Variants in LCOR observed in about 807,000 individuals in gnomAD.
LCOR encodes the protein ligand-dependent corepressor.
Under a neutral mutation model 64.4 loss-of-function variants are expected in LCOR, and 14 were observed. That is an observed-to-expected ratio of 0.22 (90% confidence interval 0.14 to 0.34). The LOEUF (loss-of-function observed/expected upper bound fraction) is 0.34, where lower values mean the gene tolerates loss of function less well. Ranked by LOEUF, LCOR falls within the 10% of genes least tolerant of loss-of-function variation. The pLI is 1.00. For synonymous variants in LCOR, 643 were observed against 642.5 expected, an observed-to-expected ratio of 1.00 and a Z score of -0.01; for missense variants, 1,686 against 1,765.3, an observed-to-expected ratio of 0.96 and a Z score of 0.80.
chr10:96,877,923 A>G (rs962226091), intron 2 of LCOR, among the ~76,000 whole-genome samples: 2 of 152,184 alleles, frequency 1.3e-5, no homozygotes, highest in East Asian at 1.9e-4. Flanking sequence ...AAAATTTATA[A>G]TAGGAGAAGA....
chr10:96,958,462 C>T, intron 7 of LCOR: 1 of 1,055,144 alleles, frequency 9.5e-7, no homozygotes, highest in Non-Finnish European at 1.4e-6. Context: ...TTTAATGCTG[C>T]AGTTTAAGAG....
chr10:96,974,798 T>C (rs1247312495), intron 7 of LCOR, among the ~76,000 whole-genome samples: 1 of 152,202 alleles, frequency 6.6e-6, no homozygotes, highest in Non-Finnish European at 1.5e-5. Flanking sequence ...CATAAAAAAA[T>C]AGTAATAGAA....
At chr10:96,877,598 ATTTTTTT>A (rs57119025) in intron 2 of LCOR, among the ~76,000 whole-genome samples, 16 of 65,654 alleles carry the variant, frequency 2.4e-4, no homozygotes, top group African/African-American at 9.1e-4. Context: ...ATTTTTCTGA[ATTTTTTT>A]TTTTTTTTTT....
intron 7 of LCOR, among the ~76,000 whole-genome samples, chr10:96,974,076 T>C (rs1415004315): frequency 6.6e-6 from 1 of 152,242 alleles, no homozygotes; most frequent in Admixed American, 6.5e-5. Flanking sequence ...TGTAGATAAA[T>C]ATTGAGTAAA....
chr10:96,940,934 C>T (rs1438017173), intron 4 of LCOR, among the ~76,000 whole-genome samples: 43 of 148,352 alleles, frequency 2.9e-4, no homozygotes, highest in Admixed American at 1.1e-3. Flanking sequence ...GGCGGCTGGC[C>T]GGGCAGAGGG....
In LCOR at chr10:96,982,499, G is replaced by A. The variant is rs746036515; in HGVS notation, c.2039G>A (p.Gly680Glu). 1.2e-6 allele frequency: 2 copies of A among 1,614,184 alleles called. No homozygotes were observed. The highest frequency in any genetic ancestry group is 1.6e-4 in the Middle Eastern group (1 of 6,062). ...CCCTCCACTGAAAGCTTTTCCGGGG[G>A]AGTCAGTGAAGATGTCATTTCTAGG... The part of the protein sequence containing the change: ...LLPSTESFSG[G>E]VSEDVISRPH... Residue 680 changes from glycine (G) to glutamate (E), a missense_variant, in exon 8 of 8, where the codon GGA becomes GAA. Gly to Glu is a moderately conservative substitution (Grantham distance 98). Coordinates refer to ENST00000421806, the MANE Select transcript of LCOR (RefSeq NM_001346516.2).
intron 2 of LCOR, among the ~76,000 whole-genome samples, chr10:96,834,877 A>G (rs1845414890): frequency 6.6e-6 from 1 of 151,846 alleles, no homozygotes; most frequent in African/African-American, 2.4e-5. Flanking sequence ...GCTTGACAAG[A>G]TGTGTTTTTG....
intron 2 of LCOR, among the ~76,000 whole-genome samples, chr10:96,839,803 A>G (rs974769489): frequency 1.3e-5 from 2 of 151,896 alleles, no homozygotes; most frequent in African/African-American, 4.8e-5. Flanking sequence ...CTCCTGCCTC[A>G]GCCTCCCTAG....
intron 2 of LCOR, among the ~76,000 whole-genome samples, chr10:96,837,165 T>TA (rs1845457700): frequency 1.3e-5 from 2 of 152,208 alleles, no homozygotes; most frequent in South Asian, 4.2e-4. Context: ...TAATTTTTTG[T>TA]CTTTTTAGTA....
intron 4 of LCOR, among the ~76,000 whole-genome samples, chr10:96,933,171 GT>G (rs1275339269): frequency 6.6e-6 from 1 of 152,152 alleles, no homozygotes; most frequent in Non-Finnish European, 1.5e-5. Context: ...CTGCGTATGT[GT>G]TTTTTAGGGG....
At chr10:96,907,772 T>C (rs11815437) in intron 4 of LCOR, 25 bp downstream of exon 4, 46,271 of 770,508 alleles carry the variant, frequency 0.06, 1,471 homozygotes, top group East Asian at 0.19. Context: ...TGTGAAACTT[T>C]TATTTAGTGT....
chr10:96,952,290 C>T (rs1419128294), intron 7 of LCOR, 94 bp downstream of exon 7: 24 of 800,182 alleles, frequency 3.0e-5, no homozygotes, highest in East Asian at 5.1e-5. Flanking sequence ...AAAAATAACC[C>T]TTCTAAGTAA....
chr10:96,873,375 A>G (rs553732637), intron 2 of LCOR, among the ~76,000 whole-genome samples: 11 of 152,278 alleles, frequency 7.2e-5, no homozygotes, highest in Non-Finnish European at 1.3e-4. Flanking sequence ...GGAAATTAGT[A>G]TTCTAACATT....
chr10:96,938,945 C>T (rs1035775668), intron 4 of LCOR, among the ~76,000 whole-genome samples: 2 of 152,156 alleles, frequency 1.3e-5, no homozygotes, highest in East Asian at 1.9e-4. Context: ...CAAATTGATA[C>T]GCTGATTCAG....
chr10:96,843,498 G>T (rs1343480263), intron 2 of LCOR, among the ~76,000 whole-genome samples: 1 of 152,128 alleles, frequency 6.6e-6, no homozygotes, highest in Admixed American at 6.5e-5. Flanking sequence ...ATATTATCCT[G>T]TTCTCTTTTA....
intron 4 of LCOR, among the ~76,000 whole-genome samples, chr10:96,915,022 G>A (rs1373170487): frequency 6.6e-6 from 1 of 152,146 alleles, no homozygotes; most frequent in Admixed American, 6.5e-5. Context: ...ATACCACAAG[G>A]CTTTTGTGCC....
chr10:96,908,510 G>A (rs1846769004), intron 4 of LCOR, among the ~76,000 whole-genome samples: 1 of 152,116 alleles, frequency 6.6e-6, no homozygotes, highest in Non-Finnish European at 1.5e-5. Context: ...TAATATCTGG[G>A]CATGAATGCT....
At chr10:96,929,787 A>G (rs1305713298) in intron 4 of LCOR, among the ~76,000 whole-genome samples, 1 of 152,232 alleles carries the variant, frequency 6.6e-6, no homozygotes. Flanking sequence ...AGTGAGAGAC[A>G]TGCAACTCTT....
At chr10:96,953,458 G>A (rs898432402) in intron 7 of LCOR, among the ~76,000 whole-genome samples, 12 of 152,126 alleles carry the variant, frequency 7.9e-5, no homozygotes, top group Non-Finnish European at 1.8e-4. Flanking sequence ...GGCTGAGGTG[G>A]GACGATCGCT....
Sources: gnomAD v4.1 joint callset for allele counts (sites outside exome capture counted in the v4.1 genomes callset) on GRCh38, gnomAD v4.1.1 for gene constraint, MANE v1.5 for transcripts, NCBI Gene and HGNC (gene_info 2026-07-23, HGNC 2026-07-21) for gene names.